CAMSAP2: variants seen among roughly 807,000 people sequenced by gnomAD.
CAMSAP2 encodes calmodulin-regulated spectrin-associated protein 2.
In CAMSAP2, 26 loss-of-function variants were observed where a neutral mutation model predicts 146.1. The observed-to-expected ratio is 0.18, with a 90% CI of 0.13 to 0.25. The LOEUF (loss-of-function observed/expected upper bound fraction) is 0.25, where lower values mean the gene tolerates loss of function less well. CAMSAP2 is among the 10% of genes least tolerant of loss of function. The pLI, the probability that CAMSAP2 is intolerant of heterozygous loss-of-function variation, is 1.00. For missense variants in CAMSAP2, 1,381 were observed against 1,759.3 expected (o/e 0.78, Z 3.85); for synonymous variants, 499 against 596.6 (o/e 0.84, Z 2.38).
intron 4 of CAMSAP2, among the ~76,000 whole-genome samples, chr1:200,831,823 A>G (rs1394687736): frequency 2.6e-5 from 4 of 152,068 alleles, no homozygotes; most frequent in Non-Finnish European, 5.9e-5. Context: ...CCGTATAAGA[A>G]TTTTCAGTTT....
At chr1:200,778,045 C>T (rs1256099513) in intron 2 of CAMSAP2, among the ~76,000 whole-genome samples, 3 of 152,144 alleles carry the variant, frequency 2.0e-5, no homozygotes, top group African/African-American at 7.2e-5. Context: ...CGAGACCAGC[C>T]TGGGCAACAT....
chr1:200,746,624 T>G (rs1179870251), intron 1 of CAMSAP2, among the ~76,000 whole-genome samples: 3 of 151,648 alleles, frequency 2.0e-5, no homozygotes, highest in Non-Finnish European at 4.4e-5. Context: ...AGTCACATTT[T>G]TTTTTTTTTT....
chr1:200,772,915 A>G (rs903522528), intron 2 of CAMSAP2, among the ~76,000 whole-genome samples: 1 of 152,180 alleles, frequency 6.6e-6, no homozygotes, highest in Non-Finnish European at 1.5e-5. Context: ...TCCTAATTCA[A>G]AACTTTTAAT....
In CAMSAP2 at chr1:200,816,318, C is replaced by T. The variant is rs141023735; in HGVS notation, c.645+674C>T. Among the ~76,000 whole-genome samples the T allele has an allele frequency of 9.5e-3, 1,390 of 145,994 alleles. 41 individuals carry two copies. Among genetic ancestry groups the T allele is most frequent in the Admixed American group, 0.055 (807 of 14,584 alleles). ...AAAAAAATATATATATAGGGCCAGG[C>T]GTGGTGGCTCACACCTGTAATCCCA... On this transcript the variant is annotated intron_variant, in intron 4 of 16. Transcript: ENST00000358823.
intron 3 of CAMSAP2, among the ~76,000 whole-genome samples, chr1:200,812,098 C>G (rs1666348305): frequency 6.6e-6 from 1 of 152,146 alleles, no homozygotes; most frequent in Admixed American, 6.5e-5. Flanking sequence ...TCTTTCATAG[C>G]ACTTTTCAGA....
At chr1:200,742,956 A>G (rs1388232895) in intron 1 of CAMSAP2, among the ~76,000 whole-genome samples, 1 of 152,224 alleles carries the variant, frequency 6.6e-6, no homozygotes, top group East Asian at 1.9e-4. Flanking sequence ...TAGTATTACA[A>G]AAGTATTACA....
chr1:200,809,944 C>T (rs1245777802), intron 3 of CAMSAP2, among the ~76,000 whole-genome samples: 5 of 152,092 alleles, frequency 3.3e-5, no homozygotes, highest in Admixed American at 1.3e-4. Context: ...CTGTCTTCCC[C>T]GTCTTACAAA....
intron 2 of CAMSAP2, among the ~76,000 whole-genome samples, chr1:200,793,455 A>G (rs1319181025): frequency 1.3e-5 from 2 of 152,150 alleles, no homozygotes; most frequent in Admixed American, 1.3e-4. Flanking sequence ...TATATATGGG[A>G]AAACAAAATA....
intron 4 of CAMSAP2, among the ~76,000 whole-genome samples, chr1:200,821,584 C>T (rs1488175920): frequency 1.3e-5 from 2 of 152,166 alleles, no homozygotes; most frequent in Admixed American, 6.5e-5. Flanking sequence ...TGGTCTCAAA[C>T]TCTTGGCCTC....
At position 200,848,045 on chromosome 1, in the gene CAMSAP2, G is replaced by T; in HGVS notation, c.1276G>T (p.Gly426Cys). The T allele has an allele frequency of 6.5e-7, 1 of 1,540,360 alleles. No homozygotes were observed. The highest frequency in any genetic ancestry group is 1.3e-5 in the South Asian group (1 of 77,452). Residue 426 changes from glycine to cysteine, a missense_variant, in exon 11 of 17, where the codon GGC becomes TGC. Gly to Cys is a radical substitution (Grantham distance 159). Coordinates refer to ENST00000358823, the MANE Select transcript of CAMSAP2 (RefSeq NM_203459.4). Reference sequence around the variant, plus strand: ...ACTTTTTTTTAGATCATCAGTGCATGGCGTATCATTTGATATTTCTTTTGA... The same window carrying T: ...ACTTTTTTTTAGATCATCAGTGCATTGCGTATCATTTGATATTTCTTTTGA... ...WPKEKRSSVHGVSFDISFDKE... is the reference protein window; with the variant it reads ...WPKEKRSSVHCVSFDISFDKE...
intron 2 of CAMSAP2, among the ~76,000 whole-genome samples, chr1:200,787,086 G>A (rs756447280): frequency 6.6e-6 from 1 of 151,964 alleles, no homozygotes; most frequent in African/African-American, 2.4e-5. Flanking sequence ...CCCAAGAGCT[G>A]TGATGGAGAG....
At chr1:200,809,082 C>T (rs772737591) in intron 3 of CAMSAP2, among the ~76,000 whole-genome samples, 5 of 152,242 alleles carry the variant, frequency 3.3e-5, no homozygotes, top group African/African-American at 7.2e-5. Flanking sequence ...TGCTTTCCCA[C>T]GCTTCATGAC....
At chr1:200,816,604 AAATATAT>A (rs1666495591) in intron 4 of CAMSAP2, among the ~76,000 whole-genome samples, 1 of 112,630 alleles carries the variant, frequency 8.9e-6, no homozygotes, top group Admixed American at 9.2e-5. Flanking sequence ...CAAAAAAAAA[AAATATAT>A]ATATATATAT....
rs1441385166 is a variant in CAMSAP2 at position 200,860,273 on chromosome 1, T to C, written c.*2214T>C. The C allele has an allele frequency of 6.5e-6, 1 of 152,766 alleles. No homozygotes were observed. Among genetic ancestry groups the C allele is most frequent in the Non-Finnish European group, 1.5e-5 (1 of 68,008 alleles). The allele number at this position is 152,766 out of a possible 1,614,324, so 9.5% of individuals were successfully genotyped here. ...ATTATACAGTTGAAAAATATGCCAT[T>C]TCATAAAGTCTGAGGATTTTCGTCA... On this transcript the variant is annotated 3_prime_UTR_variant, in exon 17 of 17. Transcript: ENST00000358823.
At chr1:200,817,140 A>G (rs190009847) in intron 4 of CAMSAP2, among the ~76,000 whole-genome samples, 101 of 127,520 alleles carry the variant, frequency 7.9e-4, no homozygotes, top group African/African-American at 2.5e-3. Flanking sequence ...ATATGTGTAT[A>G]TATACACATA....
chr1:200,801,398 T>A (rs1253280887), intron 2 of CAMSAP2, among the ~76,000 whole-genome samples: 9 of 152,082 alleles, frequency 5.9e-5, no homozygotes, highest in Non-Finnish European at 1.5e-5. Flanking sequence ...GTGAATCTGA[T>A]GATTATGTGT....
At chr1:200,816,603 A>ATATATATAT (rs1553288205) in intron 4 of CAMSAP2, among the ~76,000 whole-genome samples, 1 of 110,928 alleles carries the variant, frequency 9.0e-6, no homozygotes, top group Admixed American at 9.5e-5. Flanking sequence ...TCAAAAAAAA[A>ATATATATAT]AAATATATAT....
intron 7 of CAMSAP2, among the ~76,000 whole-genome samples, chr1:200,843,987 T>TCAGCCTCCTGAGTAGCTGGGACAA (rs1475513022): frequency 6.6e-6 from 1 of 152,038 alleles, no homozygotes; most frequent in Non-Finnish European, 1.5e-5. Flanking sequence ...TTCTCCTGCC[T>TCAGCCTCCTGAGTAGCTGGGACAA]CAGCCTCCTG....
chr1:200,755,727 A>C (rs1469218662), intron 1 of CAMSAP2, among the ~76,000 whole-genome samples: 1 of 152,240 alleles, frequency 6.6e-6, no homozygotes, highest in African/African-American at 2.4e-5. Flanking sequence ...TTTCAGACGC[A>C]GTTCCAGGTA....
Sources: allele counts gnomAD v4.1 joint callset (sites outside exome capture counted in the v4.1 genomes callset), GRCh38; gene constraint gnomAD v4.1.1; transcripts MANE v1.5; gene names NCBI Gene and HGNC (gene_info 2026-07-23, HGNC 2026-07-21).